The following GRM7 variants were observed in gnomAD, a reference collection of about 807,000 sequenced individuals.
GRM7 encodes metabotropic glutamate receptor 7.
Under a neutral mutation model 84.5 loss-of-function variants are expected in GRM7, and 35 were observed. That is an observed-to-expected ratio of 0.41 (90% CI 0.32 to 0.55). The LOEUF (loss-of-function observed/expected upper bound fraction) is 0.55. Ranked by LOEUF, GRM7 falls within the 20% of genes least tolerant of loss-of-function variation. GRM7 has a pLI of 0.19. For missense variants in GRM7, 1,003 were observed against 1,194.6 expected, an observed-to-expected ratio of 0.84 and a Z score of 2.36; for synonymous variants, 487 against 455.1, an observed-to-expected ratio of 1.07 and a Z score of -0.89.
chr3:7,725,659 G>A (rs1006901235), intron 9 of GRM7, among the ~76,000 whole-genome samples: 4 of 152,178 alleles, frequency 2.6e-5, no homozygotes, highest in Admixed American at 2.0e-4. Context: ...CCAACCCTCT[G>A]TAGACAGGTG....
intron 9 of GRM7, among the ~76,000 whole-genome samples, chr3:7,734,195 C>A (rs1702423410): frequency 6.9e-6 from 1 of 144,338 alleles, no homozygotes. Context: ...ATCCACTGAC[C>A]TACCTCCCTT....
chr3:7,341,379 T>C (rs1327375013), intron 4 of GRM7, among the ~76,000 whole-genome samples: 1 of 152,096 alleles, frequency 6.6e-6, no homozygotes, highest in Non-Finnish European at 1.5e-5. Context: ...TCATGTTTTT[T>C]TTTTGTTTAT....
intron 1 of GRM7, among the ~76,000 whole-genome samples, chr3:7,137,412 T>A (rs985022041): frequency 3.9e-5 from 6 of 152,098 alleles, no homozygotes; most frequent in Admixed American, 2.6e-4. Flanking sequence ...TTATTCCCTG[T>A]TTGCTTGTTT....
chr3:7,098,034 CAT>C (rs1698918505), intron 1 of GRM7, among the ~76,000 whole-genome samples: 1 of 152,082 alleles, frequency 6.6e-6, no homozygotes, highest in South Asian at 2.1e-4. Context: ...AATCCTGAAA[CAT>C]ATGGATTTTG....
intron 8 of GRM7, among the ~76,000 whole-genome samples, chr3:7,606,717 A>T (rs914688878): frequency 6.6e-6 from 1 of 152,000 alleles, no homozygotes; most frequent in Admixed American, 6.6e-5. Context: ...TATTTTTAGT[A>T]GAGACAGGGT....
chr3:7,279,085 TAGATA>T (rs1365716017), intron 2 of GRM7, among the ~76,000 whole-genome samples: 2 of 152,104 alleles, frequency 1.3e-5, no homozygotes, highest in African/African-American at 4.8e-5. Context: ...TTTTTCAACA[TAGATA>T]AGAAAACGGT....
intron 1 of GRM7, among the ~76,000 whole-genome samples, chr3:6,970,211 A>AAAACTTTCCC (rs112168295): frequency 0.78 from 117,993 of 151,900 alleles, 45,974 homozygotes; most frequent in East Asian, 0.99. Context: ...AAACTGCTCC[A>AAAACTTTCCC]AGACTTTCCC....
At chr3:7,206,310 T>C (rs1288868735) in intron 2 of GRM7, among the ~76,000 whole-genome samples, 2 of 152,222 alleles carry the variant, frequency 1.3e-5, no homozygotes, top group African/African-American at 2.4e-5. Context: ...CTATTACGAC[T>C]AACTAAAATG....
rs77081016 is a variant in GRM7 at position 7,362,846 on chromosome 3, A to T, written c.1034-52177A>T. 6.1e-3 allele frequency among the ~76,000 whole-genome samples: 929 copies of T among 152,232 alleles called. 6 individuals are homozygous for T. Among genetic ancestry groups the T allele is most frequent in the African/African-American group, 0.021 (876 of 41,550 alleles). On this transcript the variant is annotated intron_variant, in intron 4 of 9. Transcript: ENST00000357716. ...TCCTGTTCTTAAAAGTAGGGATTGC[A>T]GCTGGGCATGATGGCTCACAGCTGT...
At chr3:7,097,198 G>A (rs1378699669) in intron 1 of GRM7, among the ~76,000 whole-genome samples, 1 of 152,018 alleles carries the variant, frequency 6.6e-6, no homozygotes, top group Non-Finnish European at 1.5e-5. Context: ...CCCAGATGGG[G>A]AGCCCTGTCC....
chr3:7,084,964 G>A (rs988219088), intron 1 of GRM7, among the ~76,000 whole-genome samples: 1 of 152,094 alleles, frequency 6.6e-6, no homozygotes, highest in Non-Finnish European at 1.5e-5. Flanking sequence ...ATTTTAATGA[G>A]CCCAGAAATT....
chr3:7,294,810 A>G (rs1360521261), intron 2 of GRM7, among the ~76,000 whole-genome samples: 1 of 152,234 alleles, frequency 6.6e-6, no homozygotes, highest in Non-Finnish European at 1.5e-5. Flanking sequence ...AGTGAGGATC[A>G]GAAATGTGCT....
At chr3:7,074,817 A>G (rs942049332) in intron 1 of GRM7, among the ~76,000 whole-genome samples, 4 of 152,206 alleles carry the variant, frequency 2.6e-5, no homozygotes, top group African/African-American at 9.6e-5. Flanking sequence ...TCTACCTAGT[A>G]GGATGGCTTC....
At chr3:7,674,638 T>C (rs145725471) in intron 8 of GRM7, among the ~76,000 whole-genome samples, 298 of 152,354 alleles carry the variant, frequency 2.0e-3, no homozygotes, top group African/African-American at 6.3e-3. Flanking sequence ...TCTTAGCAAT[T>C]TGCAAATATA....
intron 2 of GRM7, among the ~76,000 whole-genome samples, chr3:7,154,496 G>T (rs1007327483): frequency 6.6e-6 from 1 of 152,062 alleles, no homozygotes; most frequent in Admixed American, 6.6e-5. Flanking sequence ...ATTTGAGAGG[G>T]TATGAAAAGA....
At position 7,363,865 on chromosome 3, in the gene GRM7, A is replaced by C. The variant is rs184533343; in HGVS notation, c.1034-51158A>C. ...TTATTACCATTTTAGTTTGCATTGC[A>C]TGATCAGTTTCCATCTTTGTTTGTT... On this transcript the variant is annotated intron_variant, in intron 4 of 9. Coordinates refer to ENST00000357716, the MANE Select transcript of GRM7 (RefSeq NM_000844.4). Among the ~76,000 whole-genome samples, 422 of 152,152 alleles carry C rather than the reference A, an allele frequency of 2.8e-3. 2 individuals are homozygous for C. Among genetic ancestry groups the C allele is most frequent in the Non-Finnish European group, 4.5e-3 (307 of 67,970 alleles).
intron 1 of GRM7, among the ~76,000 whole-genome samples, chr3:7,129,588 A>G (rs1342411248): frequency 6.6e-6 from 1 of 152,184 alleles, no homozygotes; most frequent in African/African-American, 2.4e-5. Flanking sequence ...GACTTCACCC[A>G]ACAAAAACAA....
intron 2 of GRM7, among the ~76,000 whole-genome samples, chr3:7,256,993 A>T (rs1035405878): frequency 3.3e-5 from 5 of 152,244 alleles, no homozygotes; most frequent in Non-Finnish European, 7.3e-5. Context: ...CAGACAGAGG[A>T]ATCTGCTTAA....
chr3:7,666,127 G>A (rs1043882174), intron 8 of GRM7, among the ~76,000 whole-genome samples: 1 of 152,094 alleles, frequency 6.6e-6, no homozygotes, highest in African/African-American at 2.4e-5. Context: ...GGAGCATCAC[G>A]GAAGGAGAAA....
Sources: allele counts gnomAD v4.1 joint callset (sites outside exome capture counted in the v4.1 genomes callset), GRCh38; gene constraint gnomAD v4.1.1; transcripts MANE v1.5; gene names NCBI Gene and HGNC (gene_info 2026-07-23, HGNC 2026-07-21).